ST7: variants seen among roughly 807,000 people sequenced by gnomAD.
ST7 encodes the protein suppression of tumorigenicity 7, also known as suppressor of tumorigenicity 7 protein.
Under a neutral mutation model 78.7 loss-of-function variants are expected in ST7, and 28 were observed. The ratio of observed to expected loss-of-function variants is 0.36; its 90% CI spans 0.26 to 0.49. ST7 has a LOEUF of 0.49. Among genes scored for constraint, ST7 ranks in the 20% least tolerant of loss-of-function variants. ST7 has a pLI of 0.99. For missense variants in ST7, 418 were observed against 696.0 expected, an observed-to-expected ratio of 0.60 and a Z score of 4.49; for synonymous variants, 247 against 249.6, an observed-to-expected ratio of 0.99 and a Z score of 0.10.
At chr7:117,109,103 G>A (rs772283423) in intron 2 of ST7, among the ~76,000 whole-genome samples, 18 of 152,046 alleles carry the variant, frequency 1.2e-4, no homozygotes, top group Non-Finnish European at 2.2e-4. Flanking sequence ...TCTTTCTCTT[G>A]TCTGATTGCT....
intron 1 of ST7, among the ~76,000 whole-genome samples, chr7:117,066,434 TATA>T (rs2116477452): frequency 6.6e-6 from 1 of 152,138 alleles, no homozygotes; most frequent in Non-Finnish European, 1.5e-5. Context: ...TTTATTGAAA[TATA>T]ATTCACATAC....
At chr7:117,163,528 C>T (rs1489704879) in intron 9 of ST7, among the ~76,000 whole-genome samples, 1 of 152,042 alleles carries the variant, frequency 6.6e-6, no homozygotes, top group Non-Finnish European at 1.5e-5. Context: ...TTTTCATTTG[C>T]ATTTCTCTGA....
At chr7:117,010,358 A>G (rs1795338163) in intron 1 of ST7, among the ~76,000 whole-genome samples, 3 of 152,260 alleles carry the variant, frequency 2.0e-5, no homozygotes, top group African/African-American at 7.2e-5. Context: ...CATACGCTCT[A>G]GGAATCTTCT....
Position 117,170,893 on chromosome 7 carries a change from T to C in ST7, c.995T>C (p.Phe332Ser). 6.2e-7 allele frequency: 1 copy of C among 1,611,746 alleles called. No individual in the cohort carries two copies. Among genetic ancestry groups the C allele is most frequent in the Non-Finnish European group, 8.5e-7 (1 of 1,178,656 alleles). Residue 332 changes from phenylalanine to serine, a missense_variant, in exon 10 of 16, where the codon TTC becomes TCC. This residue lies in a region of ST7 where 288 missense variants were observed against 537.1 expected (regional missense o/e 0.54). Transcript: ENST00000323984. Reference sequence around the variant, plus strand: ...AAGGAGTTCCCCCTTCTGAGTATGTTCAATATCCATGAAAACCTTTTAGAA... The same window carrying C: ...AAGGAGTTCCCCCTTCTGAGTATGTCCAATATCCATGAAAACCTTTTAGAA... Reference protein sequence around the residue: ...LMKEFPLLSMFNIHENLLEAL... With the variant: ...LMKEFPLLSMSNIHENLLEAL...
Position 117,052,497 on chromosome 7 carries a change from G to A in ST7, c.152-47265G>A, listed in dbSNP as rs1419996088. Among the ~76,000 whole-genome samples the A allele has an allele frequency of 3.3e-5, 5 of 151,972 alleles. No homozygotes were observed. The East Asian group carries it at 9.6e-4, about 29-fold the overall frequency. On this transcript the variant is annotated intron_variant, in intron 1 of 15. Coordinates refer to ENST00000323984, the MANE Select transcript of ST7 (RefSeq NM_001369598.1). ...TATTCTTTTAATAATAACTTTTTTT[G>A]TTATGAATAAAATATCTTCACTGTA...
intron 6 of ST7, 127 bp downstream of exon 6, chr7:117,132,087 C>T: frequency 2.0e-6 from 2 of 985,634 alleles, no homozygotes; most frequent in South Asian, 3.6e-5. Context: ...GGAGTTATTA[C>T]TCTATTTAAA....
chr7:116,972,321 C>T (rs1793468091), intron 1 of ST7: 11 of 588,078 alleles, frequency 1.9e-5, no homozygotes, highest in South Asian at 1.5e-4. Context: ...CCTCTCCCTC[C>T]TTGAATTTAT....
At chr7:117,179,511 G>A (rs1563145484) in intron 10 of ST7, among the ~76,000 whole-genome samples, 2 of 152,194 alleles carry the variant, frequency 1.3e-5, no homozygotes, top group African/African-American at 4.8e-5. Context: ...GAGGAGTGAC[G>A]GGAGTCTTCC....
intron 1 of ST7, among the ~76,000 whole-genome samples, chr7:116,975,444 G>A (rs1018216407): frequency 1.3e-5 from 2 of 151,752 alleles, no homozygotes; most frequent in Admixed American, 1.3e-4. Flanking sequence ...ATCTCGCTTT[G>A]TCTCCCAGGC....
Position 117,229,812 on chromosome 7 carries a change from G to A in ST7, c.1689G>A (p.Glu563=). The change falls in exon 16 of 16, where the codon GAG becomes GAA. Residue 563 remains glutamate (E), a synonymous_variant. Coordinates refer to ENST00000323984, the MANE Select transcript of ST7 (RefSeq NM_001369598.1). The part of the protein sequence containing the change: ...APLNFVMEKV[E]SILPSSLWHQ... ...TAAACTTTGTCATGGAGAAAGTGGA[G>A]AGCATCCTCCCATCCAGTCTGTGGC... 6.2e-7 allele frequency: 1 copy of A among 1,614,000 alleles called. No homozygotes were observed. The highest frequency in any genetic ancestry group is 8.5e-7 in the Non-Finnish European group (1 of 1,180,018).
chr7:116,956,323 C>T, intron 1 of ST7: 2 of 361,532 alleles, frequency 5.5e-6, no homozygotes, highest in South Asian at 2.2e-5. Context: ...AGTCATTAGC[C>T]AGCACCCCTG....
intron 1 of ST7, chr7:117,020,698 A>G: frequency 6.5e-7 from 1 of 1,543,298 alleles, no homozygotes; most frequent in South Asian, 1.2e-5. Context: ...ATTGGCTTAG[A>G]GTTCATATCA....
chr7:116,981,569 G>A (rs1402399094), intron 1 of ST7, among the ~76,000 whole-genome samples: 1 of 152,166 alleles, frequency 6.6e-6, no homozygotes, highest in Non-Finnish European at 1.5e-5. Flanking sequence ...GTGTCTGTGA[G>A]GATTCTCTAT....
chr7:117,043,260 C>T lies in ST7; in HGVS notation c.152-56502C>T, dbSNP rs76729947. Reference sequence around the variant, plus strand: ...AGTAATTTTTTATTTTGACTTAAAGCCTCCCAGTGGAGGAATAAAGATGAA... The same window carrying T: ...AGTAATTTTTTATTTTGACTTAAAGTCTCCCAGTGGAGGAATAAAGATGAA... On this transcript the variant is annotated intron_variant, in intron 1 of 15. Transcript: ENST00000323984. Among the ~76,000 whole-genome samples the T allele has an allele frequency of 5.0e-3, 759 of 152,202 alleles. 3 individuals carry two copies. The highest frequency in any genetic ancestry group is 8.9e-3 in the Non-Finnish European group (607 of 68,002).
At chr7:117,102,700 G>A (rs927144021) in intron 2 of ST7, among the ~76,000 whole-genome samples, 1 of 152,102 alleles carries the variant, frequency 6.6e-6, no homozygotes, top group African/African-American at 2.4e-5. Context: ...GGAGTAGACA[G>A]AAGATGATGA....
At chr7:117,016,648 C>T (rs1795630034) in intron 1 of ST7, among the ~76,000 whole-genome samples, 1 of 152,096 alleles carries the variant, frequency 6.6e-6, no homozygotes, top group Non-Finnish European at 1.5e-5. Flanking sequence ...ATGACACTTT[C>T]AAATTTAGTT....
chr7:117,062,685 T>C (rs568566892), intron 1 of ST7, among the ~76,000 whole-genome samples: 2 of 152,336 alleles, frequency 1.3e-5, no homozygotes, highest in African/African-American at 4.8e-5. Context: ...TAATCATTAA[T>C]ACAATAGTTT....
chr7:117,012,307 G>C (rs1424868947), intron 1 of ST7, among the ~76,000 whole-genome samples: 1 of 144,034 alleles, frequency 6.9e-6, no homozygotes, highest in African/African-American at 2.6e-5. Context: ...TTTGGCTTCC[G>C]TATGATCACC....
At chr7:117,222,201 T>A in intron 15 of ST7, 139 bp downstream of exon 15, 1 of 995,298 alleles carries the variant, frequency 1.0e-6, no homozygotes, top group South Asian at 2.3e-5. Flanking sequence ...TTAATTTTCA[T>A]GATCGTCAAT....
Sources: gnomAD v4.1 joint callset for allele counts (sites outside exome capture counted in the v4.1 genomes callset) on GRCh38, gnomAD v4.1.1 for gene constraint, gnomAD v4.1.1 regional missense constraint, MANE v1.5 for transcripts, NCBI Gene and HGNC (gene_info 2026-07-23, HGNC 2026-07-21) for gene names.